SSC5D: variants seen among roughly 807,000 people sequenced by gnomAD.
The protein encoded by SSC5D is scavenger receptor cysteine rich family member with 5 domains.
SSC5D carries 106 observed loss-of-function variants against 104.6 expected under a neutral mutation model. The observed-to-expected ratio is 1.01, with a 90% CI of 0.87 to 1.19. SSC5D has a LOEUF of 1.19. SSC5D is among the 50% of genes most tolerant of loss of function. The pLI, the probability that SSC5D is intolerant of heterozygous loss-of-function variation, is 0.00. For missense variants in SSC5D, 1,993 were observed against 2,153.8 expected, an observed-to-expected ratio of 0.93 and a Z score of 1.48; for synonymous variants, 860 against 883.5, an observed-to-expected ratio of 0.97 and a Z score of 0.47.
intron 8 of SSC5D, among the ~76,000 whole-genome samples, chr19:55,496,782 G>A (rs1006937342): frequency 3.6e-5 from 5 of 139,750 alleles, no homozygotes; most frequent in Admixed American, 7.6e-5. Flanking sequence ...ACAGGGTCTC[G>A]CTCTGTCACC....
At position 55,493,924 on chromosome 19, in the gene SSC5D, G is replaced by A; in HGVS notation, c.1213+12G>A. 2 of 1,535,366 alleles carry A rather than the reference G, an allele frequency of 1.3e-6. No homozygotes were observed. The highest frequency in any genetic ancestry group is 1.7e-6 in the Non-Finnish European group (2 of 1,143,804). The stretch of plus-strand genomic sequence containing the variant: ...GGCCGTGTGTGACGGTGAGGGGGTT[G>A]TGGTGGAGGACCGGGAGGTGGGCGT... On this transcript the variant is annotated intron_variant, in intron 7 of 13. Transcript: ENST00000389623.
At chr19:55,493,165 T>C (rs1987198782) in intron 6 of SSC5D, among the ~76,000 whole-genome samples, 1 of 152,210 alleles carries the variant, frequency 6.6e-6, no homozygotes, top group Admixed American at 6.5e-5. Flanking sequence ...CATCAGGCAA[T>C]GTCTGGAGAC....
chr19:55,518,530 C>T lies in SSC5D; in HGVS notation c.4254C>T (p.Pro1418=). Reference sequence around the variant, plus strand: ...TCAAGCCACCCAGAAGCCAGAGCCCCAACCTAACCCCTCCACCCACCCATA... The same window carrying T: ...TCAAGCCACCCAGAAGCCAGAGCCCTAACCTAACCCCTCCACCCACCCATA... The part of the protein sequence containing the change: ...EDFKPPRSQS[P]NLTPPPTHTP... Residue 1418 remains proline, a synonymous_variant, in exon 14 of 14, where the codon CCC becomes CCT. Coordinates refer to ENST00000389623, the MANE Select transcript of SSC5D (RefSeq NM_001144950.2). The T allele has an allele frequency of 6.4e-7, 1 of 1,550,428 alleles. No individual in the cohort carries two copies. Among genetic ancestry groups the T allele is most frequent in the Non-Finnish European group, 8.7e-7 (1 of 1,146,710 alleles).
Position 55,493,994 on chromosome 19 carries a change from G to GGGT in SSC5D, c.1213+82_1213+83insGGT, listed in dbSNP as rs1987239480. ...GGGCAAGTTCGGCGGGGGCGGGGGGGTCCCTACGCGCCCTTCCTGCCCTCT... is the reference window on the plus strand; with the variant it reads ...GGGCAAGTTCGGCGGGGGCGGGGGGGGGTTCCCTACGCGCCCTTCCTGCCCTCT... On this transcript the variant is annotated intron_variant, in intron 7 of 13. Transcript: ENST00000389623. The GGGT allele has an allele frequency of 1.1e-4, 16 of 143,314 alleles. 1 individual carries two copies. The highest frequency in any genetic ancestry group is 1.7e-4 in the Non-Finnish European group (12 of 69,490). The allele number at this position is 143,314 out of a possible 1,614,324, so 8.9% of individuals were successfully genotyped here.
chr19:55,489,264 T>G lies in SSC5D; in HGVS notation c.53-90T>G, dbSNP rs1987055972. ...GGGCCACTGGCCTACAGACAGTACC[T>G]GCAGGACAGCCACCTGCCCCTACAG... On this transcript the variant is annotated intron_variant, in intron 2 of 13. Transcript: ENST00000389623. 6 of 1,359,928 alleles carry G rather than the reference T, an allele frequency of 4.4e-6. No individual in the cohort carries two copies. In the Admixed American group the frequency reaches 1.4e-4, roughly 31 times the overall value. 84.2% of individuals were successfully genotyped at this position (1,359,928 alleles called of 1,614,324 possible).
At chr19:55,512,923 A>G in intron 12 of SSC5D, 88 bp from the exon 13 acceptor site, 1 of 1,499,090 alleles carries the variant, frequency 6.7e-7, no homozygotes, top group Admixed American at 2.0e-5. Flanking sequence ...ATGATGCCTG[A>G]ACTGGGGCTG....
In SSC5D at chr19:55,493,607, G is replaced by A. The variant is rs553199069; in HGVS notation, c.908G>A (p.Arg303Gln). The A allele has an allele frequency of 8.3e-4, 1,211 of 1,459,390 alleles. 15 individuals are homozygous for A. In the African/African-American group the frequency reaches 0.011, roughly 13 times the overall value. 90.4% of individuals were successfully genotyped at this position (1,459,390 alleles called of 1,614,324 possible). ...AGLVCTGPAP[R>Q]LRLADGPHGC... is the part of the protein sequence containing the mutation. ...TCCCACTATCCAGGCCCAGCACCTC[G>A]GCTGCGCCTGGCCGATGGCCCCCAC... Residue 303 changes from arginine to glutamine, a missense_variant, in exon 7 of 14, where the codon CGG becomes CAG. Coordinates refer to ENST00000389623, the MANE Select transcript of SSC5D (RefSeq NM_001144950.2).
chr19:55,514,429 A>G (rs1294080264), intron 13 of SSC5D, among the ~76,000 whole-genome samples: 1 of 70,718 alleles, frequency 1.4e-5, no homozygotes, highest in Non-Finnish European at 2.3e-5. Flanking sequence ...AATAATAATA[A>G]TAATAATAAT....
chr19:55,489,057 T>TGGGGGGGGGGGGGGGGGGGGGGG, intron 2 of SSC5D, 25 bp downstream of exon 2: 1 of 1,247,970 alleles, frequency 8.0e-7, no homozygotes, highest in East Asian at 3.6e-5. Flanking sequence ...TCCTCCCATC[T>TGGGGGGGGGGGGGGGGGGGGGGG]GCCCGCCCCC....
At chr19:55,489,856 C>T (rs1265488473) in intron 3 of SSC5D, 26 bp from the exon 4 acceptor site, 1 of 1,540,878 alleles carries the variant, frequency 6.5e-7, no homozygotes, top group South Asian at 1.2e-5. Context: ...CTCCTCATAG[C>T]TTCTGTCCCT....
Position 55,501,184 on chromosome 19 carries a change from G to C in SSC5D, c.2768G>C (p.Arg923Thr), listed in dbSNP as rs1172814072. The C allele has an allele frequency of 3.9e-6, 6 of 1,534,762 alleles. No individual in the cohort carries two copies. The East Asian group carries it at 1.5e-4, about 38-fold the overall frequency. Reference sequence around the variant, plus strand: ...CCGGGTAGCTCCTCCCCAGCAATAAGGCGCCTGCCGGACACAGGTGAGAGG... The same window carrying C: ...CCGGGTAGCTCCTCCCCAGCAATAACGCGCCTGCCGGACACAGGTGAGAGG... ...RRPGSSSPAIRRLPDTGSKDG... is the reference protein window; with the variant it reads ...RRPGSSSPAITRLPDTGSKDG... Residue 923 changes from arginine (R) to threonine (T), a missense_variant, in exon 12 of 14, where the codon AGG becomes ACG. By Grantham distance (71) the Arg-to-Thr change is moderately conservative. This residue lies in a region of SSC5D where 423 missense variants were observed against 409.2 expected (regional missense o/e 1.03). Transcript: ENST00000389623.
At chr19:55,517,187 A>C in intron 13 of SSC5D, 37 bp from the exon 14 acceptor site, 1 of 1,510,378 alleles carries the variant, frequency 6.6e-7, no homozygotes, top group Non-Finnish European at 8.8e-7. Context: ...GAGCCGGTTG[A>C]CCTCAGACCG....
Position 55,489,069 on chromosome 19 carries a change from C to CCG in SSC5D, c.52+38_52+39insGC, listed in dbSNP as rs1420187845. The CCG allele has an allele frequency of 7.6e-5, 83 of 1,085,962 alleles. No individual in the cohort carries two copies. The African/African-American group carries it at 1.2e-3, about 15-fold the overall frequency. 67.3% of individuals were successfully genotyped at this position (1,085,962 alleles called of 1,614,324 possible). A position where few individuals can be genotyped will look rare whatever the true frequency, so the allele number is the denominator to read the frequency against. On this transcript the variant is annotated intron_variant, in intron 2 of 13. Coordinates refer to ENST00000389623, the MANE Select transcript of SSC5D (RefSeq NM_001144950.2). ...GACTCCTCCCATCTGCCCGCCCCCC[C>CCG]CCCCAGGCCTCCCCCTTCTGCCCAT...
Position 55,494,702 on chromosome 19 carries a change from A to G in SSC5D, c.1306A>G (p.Thr436Ala). The change falls in exon 8 of 14, where the codon ACG becomes GCG. Residue 436 changes from threonine (T) to alanine (A), a missense_variant. Around this residue, in one of 6 missense-constraint regions of SSC5D, gnomAD observed 1,101 missense variants for 1,085.0 expected, o/e 1.01. Transcript: ENST00000389623. ...TGCCTCCAGGCCCCCGTCCACCATG[A>G]CGAGCCAGGCTCCAGGGACGGCAGG... ...EAASRPPSTM[T>A]SQAPGTAGVS... is the part of the protein sequence containing the mutation. 6.4e-7 allele frequency: 1 copy of G among 1,550,512 alleles called. No individual in the cohort carries two copies. The highest frequency in any genetic ancestry group is 8.7e-7 in the Non-Finnish European group (1 of 1,146,640).
intron 6 of SSC5D, chr19:55,491,597 C>T (rs1304312579): frequency 6.3e-6 from 1 of 157,792 alleles, no homozygotes; most frequent in African/African-American, 2.4e-5. Flanking sequence ...TGGGGACACC[C>T]ACGGGTGAGC....
In SSC5D at chr19:55,489,050, T is replaced by G; in HGVS notation, c.52+18T>G. 1.4e-6 allele frequency: 2 copies of G among 1,382,808 alleles called. No homozygotes were observed. Among genetic ancestry groups the G allele is most frequent in the Non-Finnish European group, 9.4e-7 (1 of 1,066,004 alleles). The allele number at this position is 1,382,808 out of a possible 1,614,324, so 85.7% of individuals were successfully genotyped here. ...GGCTGTTGGTAAGTGCCCAGACTCC[T>G]CCCATCTGCCCGCCCCCCCCCCCAG... On this transcript the variant is annotated intron_variant, in intron 2 of 13. Coordinates refer to ENST00000389623, the MANE Select transcript of SSC5D (RefSeq NM_001144950.2).
Position 55,494,702 on chromosome 19 carries a change from A to C in SSC5D, c.1306A>C (p.Thr436Pro). 6.4e-7 allele frequency: 1 copy of C among 1,550,512 alleles called. No individual in the cohort carries two copies. Among genetic ancestry groups the C allele is most frequent in the Non-Finnish European group, 8.7e-7 (1 of 1,146,640 alleles). ...TGCCTCCAGGCCCCCGTCCACCATG[A>C]CGAGCCAGGCTCCAGGGACGGCAGG... is the stretch of plus-strand genomic sequence containing the variant. The part of the protein sequence containing the change: ...EAASRPPSTM[T>P]SQAPGTAGVS... Residue 436 changes from threonine to proline, a missense_variant, in exon 8 of 14, where the codon ACG (threonine) becomes CCG (proline). Physicochemically the swap from Thr to Pro is conservative, Grantham distance 38. Coordinates refer to ENST00000389623, the MANE Select transcript of SSC5D (RefSeq NM_001144950.2).
At chr19:55,509,850 CAAAAAA>C (rs1250937223) in intron 12 of SSC5D, among the ~76,000 whole-genome samples, 3,266 of 75,954 alleles carry the variant, frequency 0.043, 119 homozygotes, top group African/African-American at 0.14. Context: ...AACTCTGTCT[CAAAAAA>C]AAAAAAAAAA....
At chr19:55,504,427 A>G (rs1987593661) in intron 12 of SSC5D, 3 of 816,570 alleles carry the variant, frequency 3.7e-6, no homozygotes, top group Non-Finnish European at 5.0e-6. Context: ...ATGCATTCTT[A>G]GCTTCAGGAG....
Sources: gnomAD v4.1 joint callset for allele counts (sites outside exome capture counted in the v4.1 genomes callset) on GRCh38, gnomAD v4.1.1 for gene constraint, gnomAD v4.1.1 regional missense constraint, MANE v1.5 for transcripts, NCBI Gene and HGNC (gene_info 2026-07-23, HGNC 2026-07-21) for gene names.